NEK10: variants seen among roughly 807,000 people sequenced by gnomAD.
NEK10 encodes NIMA related kinase 10.
In NEK10, 122 loss-of-function variants were observed where a neutral mutation model predicts 159.8. The ratio of observed to expected loss-of-function variants is 0.76; its 90% confidence interval spans 0.66 to 0.89. The LOEUF is 0.89. NEK10 is among the 40% of genes least tolerant of loss of function. The pLI is 0.00. For synonymous variants in NEK10, 466 were observed against 457.1 expected (o/e 1.02, Z -0.25); for missense variants, 1,342 against 1,323.1 (o/e 1.01, Z -0.22).
intron 1 of NEK10, among the ~76,000 whole-genome samples, chr3:27,353,834 C>G (rs2149832142): frequency 6.6e-6 from 1 of 152,136 alleles, no homozygotes; most frequent in South Asian, 2.1e-4. Flanking sequence ...AACAAAAACC[C>G]ACTCGTGAAC....
chr3:27,266,393 T>A (rs1255962393), intron 22 of NEK10, among the ~76,000 whole-genome samples: 1 of 151,466 alleles, frequency 6.6e-6, no homozygotes, highest in African/African-American at 2.4e-5. Context: ...CTGATTTTTT[T>A]ATGGGGATTT....
intron 26 of NEK10, among the ~76,000 whole-genome samples, chr3:27,186,844 G>C (rs1213123534): frequency 1.3e-5 from 2 of 152,210 alleles, no homozygotes; most frequent in Non-Finnish European, 1.5e-5. Flanking sequence ...CCTAGTGCCA[G>C]TGAGTTCCCC....
chr3:27,247,918 A>G (rs1312282275), intron 23 of NEK10, among the ~76,000 whole-genome samples: 1 of 140,796 alleles, frequency 7.1e-6, no homozygotes, highest in Non-Finnish European at 1.5e-5. Context: ...CTCTTCCTCC[A>G]TTTTTTGCAA....
intron 5 of NEK10, among the ~76,000 whole-genome samples, chr3:27,342,465 T>C (rs1303841216): frequency 5.9e-5 from 9 of 152,156 alleles, no homozygotes; most frequent in African/African-American, 1.9e-4. Flanking sequence ...CAGGATGACA[T>C]AAAAGGATGC....
chr3:27,116,158 A>AT, intron 33 of NEK10, 31 bp from the exon 34 acceptor site: 1 of 1,601,634 alleles, frequency 6.2e-7, no homozygotes. Context: ...AAAGTCTGAC[A>AT]TTTGGGTTCA....
intron 9 of NEK10, chr3:27,310,002 C>G (rs2044563094): frequency 6.6e-6 from 1 of 152,068 alleles, no homozygotes; most frequent in Admixed American, 6.5e-5. Context: ...TGCGGAGTGC[C>G]CCTGAAAAGT....
intron 25 of NEK10, among the ~76,000 whole-genome samples, chr3:27,198,331 C>CAA (rs59823084): frequency 2.9e-5 from 3 of 102,038 alleles, no homozygotes; most frequent in East Asian, 3.8e-4. Context: ...CAATCCTAAG[C>CAA]AAAAAAAAAA....
rs780894346 is a variant in NEK10 at position 27,109,248 on chromosome 3, A to G, written c.*2024T>C. ...ACAAAAATTAGCTGGGCATGGCAGC[A>G]CATGCCTGTAATCCCAGTTACTCGG... On this transcript the variant is annotated 3_prime_UTR_variant, in exon 36 of 36. Coordinates refer to ENST00000691995, the MANE Select transcript of NEK10 (RefSeq NM_001394966.1). Among the ~76,000 whole-genome samples, 2 of 152,082 alleles carry G rather than the reference A, an allele frequency of 1.3e-5. No homozygotes were observed. Among genetic ancestry groups the G allele is most frequent in the Non-Finnish European group, 2.9e-5 (2 of 68,012 alleles).
intron 31 of NEK10, among the ~76,000 whole-genome samples, chr3:27,138,158 C>A (rs149427146): frequency 1.3e-5 from 2 of 152,258 alleles, no homozygotes; most frequent in South Asian, 2.1e-4. Context: ...TTGGTGCTAA[C>A]CCCCAGTCAA....
At chr3:27,326,190 A>G (rs1001547048) in intron 5 of NEK10, among the ~76,000 whole-genome samples, 4 of 152,352 alleles carry the variant, frequency 2.6e-5, no homozygotes, top group African/African-American at 9.6e-5. Context: ...CCTAATACAG[A>G]GAGGATATCT....
chr3:27,246,800 T>G lies in NEK10; in HGVS notation c.2090+9496A>C, dbSNP rs183255009. Among the ~76,000 whole-genome samples the G allele has an allele frequency of 1.5e-3, 225 of 152,312 alleles. 1 individual carries two copies. The highest frequency in any genetic ancestry group is 5.3e-3 in the African/African-American group (220 of 41,562). ...ACAAATTTTTATTCCCACACAATTT[T>G]TAGTCCCATATTTCACTTCTTCGGT... On this transcript the variant is annotated intron_variant, in intron 23 of 35. Coordinates refer to ENST00000691995, the MANE Select transcript of NEK10 (RefSeq NM_001394966.1).
Position 27,346,155 on chromosome 3 carries a change from C to A in NEK10, c.194G>T (p.Arg65Met), listed in dbSNP as rs1165409897. The A allele has an allele frequency of 1.1e-5, 17 of 1,613,378 alleles. No homozygotes were observed. Among genetic ancestry groups the A allele is most frequent in the Non-Finnish European group, 1.4e-5 (17 of 1,179,366 alleles). The change falls in exon 4 of 36, where the codon AGG becomes ATG. Residue 65 changes from arginine to methionine, a missense_variant. Transcript: ENST00000691995. ...ACCCCGAGCTCTGTGTCCACCCGCCCTGATGGCGGGCTCAGACTTCGTCAT... is the reference window on the plus strand; with the variant it reads ...ACCCCGAGCTCTGTGTCCACCCGCCATGATGGCGGGCTCAGACTTCGTCAT... Reference protein sequence around the residue: ...NSMTKSEPAIRAGGHRARGQW... With the variant: ...NSMTKSEPAIMAGGHRARGQW...
At chr3:27,268,410 C>T (rs2041075369) in intron 22 of NEK10, among the ~76,000 whole-genome samples, 1 of 152,186 alleles carries the variant, frequency 6.6e-6, no homozygotes, top group South Asian at 2.1e-4. Context: ...AAAGAACAGG[C>T]TGGCTCTCTT....
chr3:27,250,173 T>G (rs1273551913), intron 23 of NEK10, among the ~76,000 whole-genome samples: 1 of 151,976 alleles, frequency 6.6e-6, no homozygotes, highest in Non-Finnish European at 1.5e-5. Context: ...ATATTCTTTG[T>G]TTTTCTGTGT....
chr3:27,148,992 G>A (rs1050581490), intron 30 of NEK10, among the ~76,000 whole-genome samples: 7 of 151,948 alleles, frequency 4.6e-5, no homozygotes, highest in African/African-American at 2.4e-5. Context: ...GTACACAGTC[G>A]TTTGGCACCT....
chr3:27,178,718 A>T (rs1286985285), intron 26 of NEK10, among the ~76,000 whole-genome samples: 2 of 152,208 alleles, frequency 1.3e-5, no homozygotes, highest in Admixed American at 6.5e-5. Context: ...AAAATCAGCC[A>T]GTGTGGTCAG....
intron 1 of NEK10, among the ~76,000 whole-genome samples, chr3:27,358,089 T>C (rs1224190534): frequency 6.6e-6 from 1 of 152,240 alleles, no homozygotes; most frequent in Non-Finnish European, 1.5e-5. Flanking sequence ...CAAAAACTTT[T>C]GGCCTTATCT....
intron 5 of NEK10, among the ~76,000 whole-genome samples, chr3:27,322,463 G>GC (rs372946690): frequency 0.17 from 25,051 of 151,398 alleles, 2,442 homozygotes; most frequent in Non-Finnish European, 0.22. Context: ...TGGAGGAGAG[G>GC]CCCCCCCCAA....
At chr3:27,200,285 G>T (rs10049490) in intron 25 of NEK10, among the ~76,000 whole-genome samples, 96,245 of 151,976 alleles carry the variant, frequency 0.63, 32,068 homozygotes, top group African/African-American at 0.85. Context: ...ATCTATTATA[G>T]TTCATCAGAG....
Sources: allele counts gnomAD v4.1 joint callset (sites outside exome capture counted in the v4.1 genomes callset), GRCh38; gene constraint gnomAD v4.1.1; transcripts MANE v1.5; gene names NCBI Gene and HGNC (gene_info 2026-07-23, HGNC 2026-07-21).